GATA6: variants seen among roughly 807,000 people sequenced by gnomAD.
GATA6 encodes transcription factor GATA-6.
GATA6 carries 11 observed loss-of-function variants against 48.1 expected under a neutral mutation model. That is an observed-to-expected ratio of 0.23 (90% CI 0.14 to 0.38). GATA6 has a LOEUF of 0.38. Among genes scored for constraint, GATA6 ranks in the 10% least tolerant of loss-of-function variants. The pLI is 1.00. For missense variants in GATA6, 795 were observed against 850.3 expected (o/e 0.93, Z 0.81); for synonymous variants, 419 against 396.1 (o/e 1.06, Z -0.69).
At chr18:22,194,045 A>G (rs997313928) in intron 6 of GATA6, among the ~76,000 whole-genome samples, 1 of 151,758 alleles carries the variant, frequency 6.6e-6, no homozygotes, top group African/African-American at 2.4e-5. Context: ...ATATGTGTCC[A>G]AAAATGAGTG....
At chr18:22,194,669 T>G (rs1421757676) in intron 6 of GATA6, among the ~76,000 whole-genome samples, 1 of 151,948 alleles carries the variant, frequency 6.6e-6, no homozygotes, top group Non-Finnish European at 1.5e-5. Flanking sequence ...GTGTATTAGG[T>G]CCAGGATCAT....
intron 6 of GATA6, among the ~76,000 whole-genome samples, chr18:22,197,434 C>G (rs2033405107): frequency 6.6e-6 from 1 of 152,158 alleles, no homozygotes; most frequent in African/African-American, 2.4e-5. Flanking sequence ...CTGAGGCACA[C>G]AAAGCTGTAT....
At chr18:22,190,681 T>C (rs2033314958) in intron 6 of GATA6, among the ~76,000 whole-genome samples, 1 of 152,198 alleles carries the variant, frequency 6.6e-6, no homozygotes, top group African/African-American at 2.4e-5. Flanking sequence ...CAAGCCAGTA[T>C]TGAAGCCGGG....
intron 2 of GATA6, 48 bp from the exon 3 acceptor site, chr18:22,176,907 C>A: frequency 6.6e-7 from 1 of 1,512,176 alleles, no homozygotes; most frequent in Non-Finnish European, 8.8e-7. Context: ...CGGGGAGGGA[C>A]GGGTCCGGCG....
Position 22,201,232 on chromosome 18 carries a change from G to A in GATA6, c.*409G>A, listed in dbSNP as rs2033459349. 1 of 232,198 alleles carries A rather than the reference G, an allele frequency of 4.3e-6. No homozygotes were observed. The highest frequency in any genetic ancestry group is 5.2e-5 in the Admixed American group (1 of 19,350). 14.4% of individuals were successfully genotyped at this position (232,198 alleles called of 1,614,324 possible). ...TACCTTTTCCACATCCAGATTTCAT[G>A]TGCGTTCATGGAGAAGATCACTTGA... is the stretch of plus-strand genomic sequence containing the variant. On this transcript the variant is annotated 3_prime_UTR_variant, in exon 7 of 7. Coordinates refer to ENST00000269216, the MANE Select transcript of GATA6 (RefSeq NM_005257.6).
At position 22,185,781 on chromosome 18, in the gene GATA6, G is replaced by A. The variant is rs573025311; in HGVS notation, c.1620+2738G>A. ...CAGGTTGTTTTCATGGCGTGCCTGC[G>A]TATAACTGTGGATCCCTTCGCACTT... On this transcript the variant is annotated intron_variant, in intron 6 of 6. Transcript: ENST00000269216. The surrounding 1 kb of genome is among the most constrained non-coding windows in gnomAD (Gnocchi z 4.3). 3.3e-5 allele frequency among the ~76,000 whole-genome samples: 5 copies of A among 152,314 alleles called. 1 individual carries two copies. Among genetic ancestry groups the A allele is most frequent in the African/African-American group, 7.2e-5 (3 of 41,590 alleles).
rs762784288 is a variant in GATA6, at chr18:22,176,906, A to T, written c.1136-49A>T. On this transcript the variant is annotated intron_variant, in intron 2 of 6. Coordinates refer to ENST00000269216, the MANE Select transcript of GATA6 (RefSeq NM_005257.6). ...GGTCCCCGGGGTGACGCGGGGAGGG[A>T]CGGGTCCGGCGCGCCCACTCCCGCC... is the stretch of plus-strand genomic sequence containing the variant. 2.1e-5 allele frequency: 32 copies of T among 1,511,350 alleles called. 1 individual carries two copies. Among genetic ancestry groups the T allele is most frequent in the Middle Eastern group, 4.6e-4 (2 of 4,320 alleles). The allele number at this position is 1,511,350 out of a possible 1,614,324, so 93.6% of individuals were successfully genotyped here.
At chr18:22,197,599 A>C (rs1460076155) in intron 6 of GATA6, among the ~76,000 whole-genome samples, 3 of 152,240 alleles carry the variant, frequency 2.0e-5, no homozygotes, top group Middle Eastern at 3.4e-3. Flanking sequence ...CGCCAATAAC[A>C]ATAGCTTCCC....
At position 22,200,846 on chromosome 18, in the gene GATA6, G is replaced by T. The variant is rs990219292; in HGVS notation, c.*23G>T. 2.7e-5 allele frequency: 43 copies of T among 1,597,268 alleles called. No individual in the cohort carries two copies. The highest frequency in any genetic ancestry group is 3.2e-5 in the Non-Finnish European group (38 of 1,171,764). ...TGAGCCCACGCCGCCAGGAGGCAGG[G>T]AGGGCTCCGCCGCGGGCCTCACTCC... On this transcript the variant is annotated 3_prime_UTR_variant, in exon 7 of 7. Coordinates refer to ENST00000269216, the MANE Select transcript of GATA6 (RefSeq NM_005257.6).
At position 22,170,079 on chromosome 18, in the gene GATA6, G is replaced by C. The variant is rs2033010772; in HGVS notation, c.-38+397G>C. On this transcript the variant is annotated intron_variant, in intron 1 of 6. Coordinates refer to ENST00000269216, the MANE Select transcript of GATA6 (RefSeq NM_005257.6). The surrounding 1 kb of genome is among the most constrained non-coding windows in gnomAD (Gnocchi z 6.7). ...AGAGCAGCCTGGAGGAGGCCAGCCC[G>C]GCTGCATTTCACCTCCCTCCCCCAC... Among the ~76,000 whole-genome samples the C allele has an allele frequency of 6.6e-6, 1 of 152,168 alleles. No homozygotes were observed. Among genetic ancestry groups the C allele is most frequent in the Non-Finnish European group, 1.5e-5 (1 of 68,018 alleles).
chr18:22,192,449 T>A (rs1205388265), intron 6 of GATA6, among the ~76,000 whole-genome samples: 1 of 152,234 alleles, frequency 6.6e-6, no homozygotes, highest in Non-Finnish European at 1.5e-5. Context: ...GACGTAGAGT[T>A]ATTGTGTTAA....
At position 22,170,615 on chromosome 18, in the gene GATA6, C is replaced by T. The variant is rs375862206; in HGVS notation, c.-37-493C>T. Among the ~76,000 whole-genome samples the T allele has an allele frequency of 6.6e-6, 1 of 152,216 alleles. No homozygotes were observed. Among genetic ancestry groups the T allele is most frequent in the Non-Finnish European group, 1.5e-5 (1 of 68,026 alleles). On this transcript the variant is annotated intron_variant, in intron 1 of 6. Coordinates refer to ENST00000269216, the MANE Select transcript of GATA6 (RefSeq NM_005257.6). This position sits in a 1 kb window ranked among gnomAD's most constrained non-coding sequence, Gnocchi z 6.7. ...TGCCTTCCTTACGCGAAGGGTTTTCCCGTGGGGAACCCTCACCCCGAGGCA... is the reference window on the plus strand; with the variant it reads ...TGCCTTCCTTACGCGAAGGGTTTTCTCGTGGGGAACCCTCACCCCGAGGCA...
At chr18:22,175,978 ACATTTATTCTTC>A (rs2033116983) in intron 2 of GATA6, among the ~76,000 whole-genome samples, 1 of 152,162 alleles carries the variant, frequency 6.6e-6, no homozygotes, top group Admixed American at 6.5e-5. Context: ...ATTTTTAGAG[ACATTTATTCTTC>A]CATATTTAAC....
At chr18:22,198,558 A>G (rs150818087) in intron 6 of GATA6, among the ~76,000 whole-genome samples, 128 of 152,348 alleles carry the variant, frequency 8.4e-4, no homozygotes, top group African/African-American at 3.0e-3. Context: ...CTGTTTTCGA[A>G]TAAGAAAATC....
intron 6 of GATA6, among the ~76,000 whole-genome samples, chr18:22,197,160 A>G (rs1172452438): frequency 2.0e-5 from 3 of 149,988 alleles, no homozygotes; most frequent in Admixed American, 6.7e-5. Context: ...GCTCACTGCA[A>G]CCTGCCTCAG....
chr18:22,182,349 C>CTTT (rs34089081), intron 4 of GATA6, among the ~76,000 whole-genome samples: 18 of 134,114 alleles, frequency 1.3e-4, no homozygotes, highest in Admixed American at 1.5e-4. Flanking sequence ...ATGCCAAGTT[C>CTTT]TTTTTTTTTT....
chr18:22,200,992 A>G lies in GATA6; in HGVS notation c.*169A>G, dbSNP rs887462596. 4.9e-5 allele frequency: 43 copies of G among 872,942 alleles called. No homozygotes were observed. The African/African-American group carries it at 6.6e-4, about 13-fold the overall frequency. The allele number at this position is 872,942 out of a possible 1,614,324, so 54.1% of individuals were successfully genotyped here. Reference sequence around the variant, plus strand: ...AAGAGGCTTGCTGAAAGAGTGAGAGAAGATGGAAGGGAAGGGCCAGTGCAA... The same window carrying G: ...AAGAGGCTTGCTGAAAGAGTGAGAGGAGATGGAAGGGAAGGGCCAGTGCAA... On this transcript the variant is annotated 3_prime_UTR_variant, in exon 7 of 7. Transcript: ENST00000269216.
chr18:22,182,617 G>GA (rs1466561064), intron 4 of GATA6, 140 bp from the exon 5 acceptor site: 1 of 664,640 alleles, frequency 1.5e-6, no homozygotes, highest in Non-Finnish European at 2.7e-6. Context: ...CTCGGCCTCT[G>GA]AAAGTGCTGG....
At chr18:22,175,355 A>G (rs991167837) in intron 2 of GATA6, 2 of 152,202 alleles carry the variant, frequency 1.3e-5, no homozygotes, top group African/African-American at 2.4e-5. Flanking sequence ...GTCTTCTAAT[A>G]GGATTCTTAT....
Sources: gnomAD v4.1 joint callset for allele counts (sites outside exome capture counted in the v4.1 genomes callset) on GRCh38, gnomAD v4.1.1 for gene constraint, Gnocchi (gnomAD v3.1) non-coding constraint, MANE v1.5 for transcripts, NCBI Gene and HGNC (gene_info 2026-07-23, HGNC 2026-07-21) for gene names.